The following ROBO1 variants were observed in gnomAD, a reference collection of about 807,000 sequenced individuals.
ROBO1 encodes the protein roundabout homolog 1.
In ROBO1, 149 loss-of-function variants were observed where a neutral mutation model predicts 195.9. The ratio of observed to expected loss-of-function variants is 0.76; its 90% CI spans 0.67 to 0.87. The LOEUF (loss-of-function observed/expected upper bound fraction) is 0.87. Among genes scored for constraint, ROBO1 ranks in the 40% least tolerant of loss-of-function variants. ROBO1 has a pLI of 0.00. For synonymous variants in ROBO1, 816 were observed against 733.2 expected (o/e 1.11, Z -1.82); for missense variants, 1,933 against 2,068.3 (o/e 0.93, Z 1.27).
At chr3:79,543,205 A>G (rs1432808198) in intron 2 of ROBO1, among the ~76,000 whole-genome samples, 1 of 152,032 alleles carries the variant, frequency 6.6e-6, no homozygotes, top group Admixed American at 6.6e-5. Flanking sequence ...TTTGGGTAAT[A>G]TTTTTGGAAG....
chr3:79,488,043 T>G (rs1417498718), intron 2 of ROBO1, among the ~76,000 whole-genome samples: 1 of 152,114 alleles, frequency 6.6e-6, no homozygotes, highest in African/African-American at 2.4e-5. Context: ...TTTATTGAAC[T>G]GAAAGATATA....
intron 5 of ROBO1, among the ~76,000 whole-genome samples, chr3:78,738,589 G>A (rs1005770022): frequency 8.6e-5 from 13 of 151,906 alleles, no homozygotes; most frequent in African/African-American, 2.2e-4. Context: ...AAAACAATTC[G>A]TTTAAACCAT....
chr3:79,711,228 T>C (rs528545371), intron 1 of ROBO1, among the ~76,000 whole-genome samples: 1 of 152,264 alleles, frequency 6.6e-6, no homozygotes, highest in Admixed American at 6.6e-5. Flanking sequence ...TAGAACTCAT[T>C]GAACTCTGTG....
At chr3:79,019,266 G>C (rs2108265423) in intron 3 of ROBO1, 1 of 985,840 alleles carries the variant, frequency 1.0e-6, no homozygotes, top group Non-Finnish European at 1.2e-6. Flanking sequence ...AAACTTCCTG[G>C]GGGCAGCTGC....
intron 1 of ROBO1, among the ~76,000 whole-genome samples, chr3:79,686,446 T>C (rs1360658300): frequency 6.6e-6 from 1 of 152,186 alleles, no homozygotes; most frequent in Non-Finnish European, 1.5e-5. Flanking sequence ...TGTTTGCAGA[T>C]GACATGATTG....
intron 1 of ROBO1, among the ~76,000 whole-genome samples, chr3:79,606,023 T>C (rs1484301729): frequency 6.9e-6 from 1 of 144,156 alleles, no homozygotes; most frequent in African/African-American, 2.8e-5. Context: ...CATTTATATA[T>C]ACATGTACCC....
intron 3 of ROBO1, among the ~76,000 whole-genome samples, chr3:78,996,591 A>G (rs1209003013): frequency 1.3e-5 from 2 of 152,104 alleles, no homozygotes; most frequent in Non-Finnish European, 2.9e-5. Flanking sequence ...TTTAGTCGAC[A>G]AGGAACGGCT....
intron 4 of ROBO1, among the ~76,000 whole-genome samples, chr3:78,899,585 T>C (rs1001096948): frequency 1.3e-5 from 2 of 152,164 alleles, no homozygotes; most frequent in East Asian, 1.9e-4. Flanking sequence ...ACCATAAATA[T>C]GGCATTGCTA....
At chr3:79,677,780 T>C (rs1453840151) in intron 1 of ROBO1, among the ~76,000 whole-genome samples, 1 of 152,018 alleles carries the variant, frequency 6.6e-6, no homozygotes, top group Non-Finnish European at 1.5e-5. Context: ...TGCCAACAAA[T>C]TGTGTGATCC....
chr3:78,828,157 G>C (rs1292988940), intron 4 of ROBO1, among the ~76,000 whole-genome samples: 1 of 152,176 alleles, frequency 6.6e-6, no homozygotes, highest in Non-Finnish European at 1.5e-5. Context: ...AGCTTATCCA[G>C]TATCTAAGAA....
At chr3:79,090,663 C>A (rs868506025) in intron 3 of ROBO1, among the ~76,000 whole-genome samples, 1 of 152,192 alleles carries the variant, frequency 6.6e-6, no homozygotes, top group South Asian at 2.1e-4. Context: ...TGGGCCTAAC[C>A]TCTCTATACC....
At chr3:79,020,428 A>T (rs2078075237) in intron 3 of ROBO1, among the ~76,000 whole-genome samples, 1 of 152,174 alleles carries the variant, frequency 6.6e-6, no homozygotes, top group Admixed American at 6.5e-5. Context: ...GCTGTGGCTC[A>T]CACCTGTAAT....
chr3:79,246,086 T>C (rs1460884786), intron 2 of ROBO1, among the ~76,000 whole-genome samples: 1 of 152,102 alleles, frequency 6.6e-6, no homozygotes, highest in Non-Finnish European at 1.5e-5. Flanking sequence ...AAACTGATTA[T>C]TAAAGTTGCT....
chr3:79,363,011 G>A (rs1373728759), intron 2 of ROBO1, among the ~76,000 whole-genome samples: 1 of 152,176 alleles, frequency 6.6e-6, no homozygotes, highest in African/African-American at 2.4e-5. Flanking sequence ...GGGTACATAA[G>A]ACTGAGTTTT....
chr3:79,118,516 T>C (rs910613666), intron 3 of ROBO1, among the ~76,000 whole-genome samples: 3 of 152,154 alleles, frequency 2.0e-5, no homozygotes, highest in African/African-American at 7.2e-5. Flanking sequence ...ATGTATATTT[T>C]GTGTTTCTGA....
intron 2 of ROBO1, among the ~76,000 whole-genome samples, chr3:79,275,123 T>C (rs191062649): frequency 1.3e-5 from 2 of 152,134 alleles, no homozygotes; most frequent in African/African-American, 2.4e-5. Flanking sequence ...ACTTCCAAAC[T>C]GATTCTACAA....
Position 79,550,202 on chromosome 3 carries a change from A to AAAGAAAGAAAGGAAAG in ROBO1, c.88+39621_88+39622insCTTTCCTTTCTTTCTT, listed in dbSNP as rs61662697. Among the ~76,000 whole-genome samples, 15 of 103,136 alleles carry AAAGAAAGAAAGGAAAG rather than the reference A, an allele frequency of 1.5e-4. No homozygotes were observed. The South Asian group carries it at 2.3e-3, about 16-fold the overall frequency. The allele number at this position is 103,136 out of a possible 152,430, so 67.7% of individuals were successfully genotyped here. A position where few individuals can be genotyped will look rare whatever the true frequency, so the allele number is the denominator to read the frequency against. On this transcript the variant is annotated intron_variant, in intron 2 of 30. Coordinates refer to ENST00000464233, the MANE Select transcript of ROBO1 (RefSeq NM_002941.4). ...AAGAAAGAAAGAAAGAAAGGAAAAG[A>AAAGAAAGAAAGGAAAG]AAAGAAAAGAAAAGAAAAGAAAAGA... is the stretch of plus-strand genomic sequence containing the variant.
chr3:79,348,088 G>T (rs1577005940), intron 2 of ROBO1, among the ~76,000 whole-genome samples: 1 of 151,684 alleles, frequency 6.6e-6, no homozygotes, highest in Non-Finnish European at 1.5e-5. Context: ...GTGCACACTT[G>T]TAATCCCAGT....
chr3:79,116,306 C>T (rs927171393), intron 3 of ROBO1, among the ~76,000 whole-genome samples: 5 of 146,850 alleles, frequency 3.4e-5, no homozygotes, highest in East Asian at 4.0e-4. Context: ...TTCTTTCTTT[C>T]CTTCCTTCCT....
Sources: allele counts gnomAD v4.1 joint callset (sites outside exome capture counted in the v4.1 genomes callset), GRCh38; gene constraint gnomAD v4.1.1; transcripts MANE v1.5; gene names NCBI Gene and HGNC (gene_info 2026-07-23, HGNC 2026-07-21).